DOK6: variants seen among roughly 807,000 people sequenced by gnomAD.
DOK6 encodes the protein docking protein 6, also known as downstream of tyrosine kinase 6.
DOK6 carries 22 observed loss-of-function variants against 44.0 expected under a neutral mutation model. The observed-to-expected ratio is 0.50, with a 90% CI of 0.36 to 0.71. The LOEUF is 0.71. Ranked by LOEUF, DOK6 falls within the 30% of genes least tolerant of loss-of-function variation. DOK6 has a pLI of 0.00. For missense variants in DOK6, 340 were observed against 416.4 expected (o/e 0.82, Z 1.60); for synonymous variants, 166 against 145.5 (o/e 1.14, Z -1.01).
At chr18:69,718,249 G>T (rs1038279343) in intron 5 of DOK6, among the ~76,000 whole-genome samples, 3 of 152,080 alleles carry the variant, frequency 2.0e-5, no homozygotes, top group Non-Finnish European at 2.9e-5. Context: ...ACCCATTCAG[G>T]AACCTCCCTC....
intron 5 of DOK6, among the ~76,000 whole-genome samples, chr18:69,703,603 G>C (rs150989975): frequency 2.6e-5 from 4 of 152,198 alleles, no homozygotes; most frequent in Admixed American, 2.6e-4. Flanking sequence ...TCCCACTCAA[G>C]CTATGCCTGA....
intron 1 of DOK6, among the ~76,000 whole-genome samples, chr18:69,560,770 C>T (rs1354098170): frequency 3.3e-5 from 5 of 152,086 alleles, no homozygotes; most frequent in African/African-American, 1.2e-4. Context: ...TTTTTTAACA[C>T]TTAACACTTA....
At chr18:69,733,626 T>C (rs1978492700) in intron 5 of DOK6, among the ~76,000 whole-genome samples, 1 of 152,242 alleles carries the variant, frequency 6.6e-6, no homozygotes. Context: ...CTCTTGAACT[T>C]ATTCCTCCTA....
chr18:69,744,034 C>T (rs1978892925), intron 6 of DOK6, among the ~76,000 whole-genome samples: 1 of 152,126 alleles, frequency 6.6e-6, no homozygotes, highest in Non-Finnish European at 1.5e-5. Context: ...CTGTGATTTT[C>T]CTAAGCTCTG....
intron 6 of DOK6, among the ~76,000 whole-genome samples, chr18:69,753,260 T>TAAA (rs1246315476): frequency 6.6e-6 from 1 of 152,230 alleles, no homozygotes; most frequent in Non-Finnish European, 1.5e-5. Context: ...AACCCACCCT[T>TAAA]GTTTCTATCT....
intron 2 of DOK6, among the ~76,000 whole-genome samples, chr18:69,565,552 T>G (rs2144598925): frequency 6.6e-6 from 1 of 150,658 alleles, no homozygotes; most frequent in African/African-American, 2.4e-5. Flanking sequence ...TAAAAATATT[T>G]TAAATATAAA....
intron 1 of DOK6, among the ~76,000 whole-genome samples, chr18:69,525,561 G>T (rs1253447687): frequency 6.6e-6 from 1 of 151,894 alleles, no homozygotes; most frequent in Non-Finnish European, 1.5e-5. Context: ...TTCATCTTTA[G>T]TACACTTGCC....
At chr18:69,420,016 G>C (rs1466947274) in intron 1 of DOK6, among the ~76,000 whole-genome samples, 1 of 152,028 alleles carries the variant, frequency 6.6e-6, no homozygotes, top group Non-Finnish European at 1.5e-5. Context: ...CCTAAGAAGT[G>C]TTATTCGATG....
chr18:69,774,569 A>T (rs1980004703), intron 7 of DOK6, among the ~76,000 whole-genome samples: 3 of 152,054 alleles, frequency 2.0e-5, no homozygotes, highest in Non-Finnish European at 4.4e-5. Context: ...ACCACAGTTA[A>T]ATTAATTTAA....
intron 1 of DOK6, among the ~76,000 whole-genome samples, chr18:69,459,411 G>A (rs1002962988): frequency 6.6e-6 from 1 of 151,882 alleles, no homozygotes; most frequent in African/African-American, 2.4e-5. Context: ...CTCATGTTAT[G>A]GAGTTGATAA....
At position 69,789,234 on chromosome 18, in the gene DOK6, T is replaced by C. The variant is rs1410726693; in HGVS notation, c.856+31361T>C. ...TATTCATAGGCTTAATGGAAATTAT[T>C]AAATATTTGTTAAATAAAATAATAT... On this transcript the variant is annotated intron_variant, in intron 7 of 7. Coordinates refer to ENST00000382713, the MANE Select transcript of DOK6 (RefSeq NM_152721.6). 5.9e-5 allele frequency among the ~76,000 whole-genome samples: 9 copies of C among 152,304 alleles called. No individual in the cohort carries two copies. In the East Asian group the frequency reaches 9.6e-4, roughly 16 times the overall value.
At chr18:69,650,842 T>G (rs1985205200) in intron 3 of DOK6, among the ~76,000 whole-genome samples, 1 of 152,228 alleles carries the variant, frequency 6.6e-6, no homozygotes, top group Non-Finnish European at 1.5e-5. Flanking sequence ...CTATTACTGC[T>G]TCTAATTTCC....
intron 1 of DOK6, among the ~76,000 whole-genome samples, chr18:69,438,298 A>G (rs1238785998): frequency 6.6e-6 from 1 of 152,250 alleles, no homozygotes. Flanking sequence ...TGTTCACAGC[A>G]TCTTCATCAT....
chr18:69,633,749 A>G (rs1305520570), intron 3 of DOK6, among the ~76,000 whole-genome samples: 1 of 152,216 alleles, frequency 6.6e-6, no homozygotes, highest in Non-Finnish European at 1.5e-5. Flanking sequence ...TTTCACTCTC[A>G]AATTCTGGCA....
chr18:69,651,482 C>CTT lies in DOK6; in HGVS notation c.290-26229_290-26228dup, dbSNP rs1168500882. 7.1e-3 allele frequency among the ~76,000 whole-genome samples: 825 copies of CTT among 116,906 alleles called. 11 individuals are homozygous for CTT. Among genetic ancestry groups the CTT allele is most frequent in the African/African-American group, 0.022 (636 of 29,078 alleles). The allele number at this position is 116,906 out of a possible 152,430, so 76.7% of individuals were successfully genotyped here. Reference sequence around the variant, plus strand: ...GCATTGCATCATCAGCCCCCCGCTCCTTTTTTTTTTTTTTTTTTTTTTTTA... The same window carrying CTT: ...GCATTGCATCATCAGCCCCCCGCTCCTTTTTTTTTTTTTTTTTTTTTTTTTTA... On this transcript the variant is annotated intron_variant, in intron 3 of 7. Coordinates refer to ENST00000382713, the MANE Select transcript of DOK6 (RefSeq NM_152721.6).
intron 5 of DOK6, among the ~76,000 whole-genome samples, chr18:69,734,119 A>G (rs1978515266): frequency 6.6e-6 from 1 of 151,712 alleles, no homozygotes; most frequent in East Asian, 1.9e-4. Context: ...TGAAATTTAT[A>G]TCAATGGAGG....
At chr18:69,495,800 C>A (rs1021131112) in intron 1 of DOK6, among the ~76,000 whole-genome samples, 18 of 152,206 alleles carry the variant, frequency 1.2e-4, no homozygotes, top group African/African-American at 4.3e-4. Context: ...AACACCCCCT[C>A]AACTTCCCTC....
intron 7 of DOK6, among the ~76,000 whole-genome samples, chr18:69,772,153 G>C (rs1179348390): frequency 6.6e-6 from 1 of 151,888 alleles, no homozygotes; most frequent in East Asian, 1.9e-4. Context: ...CTGGGTGACA[G>C]AATGAGACTC....
At chr18:69,774,061 A>G (rs1979968541) in intron 7 of DOK6, among the ~76,000 whole-genome samples, 1 of 144,576 alleles carries the variant, frequency 6.9e-6, no homozygotes, top group Admixed American at 7.0e-5. Flanking sequence ...ATATATATAT[A>G]TAGATATATA....
Sources: gnomAD v4.1 joint callset for allele counts (sites outside exome capture counted in the v4.1 genomes callset) on GRCh38, gnomAD v4.1.1 for gene constraint, MANE v1.5 for transcripts, NCBI Gene and HGNC (gene_info 2026-07-23, HGNC 2026-07-21) for gene names.